Variants in SYTL3 observed in about 807,000 individuals in gnomAD.
SYTL3 encodes synaptotagmin like 3.
A neutral mutation model predicts 82.1 loss-of-function variants in SYTL3; 88 were observed. The observed-to-expected ratio is 1.07, with a 90% CI of 0.90 to 1.28. The LOEUF is 1.28. Ranked by LOEUF, SYTL3 falls within the 50% of genes most tolerant of loss-of-function variation. The pLI, the probability that SYTL3 is intolerant of heterozygous loss-of-function variation, is 0.00. For synonymous variants in SYTL3, 311 were observed against 289.4 expected (o/e 1.07, Z -0.76); for missense variants, 831 against 757.6 (o/e 1.10, Z -1.14).
At chr6:158,654,211 C>T (rs1392836651) in intron 2 of SYTL3, among the ~76,000 whole-genome samples, 2 of 152,164 alleles carry the variant, frequency 1.3e-5, no homozygotes, top group Non-Finnish European at 2.9e-5. Context: ...GCCTTCTGAT[C>T]CTTGGGTTTT....
chr6:158,703,822 CATTATTATTATTATT>C (rs71761794), intron 6 of SYTL3, among the ~76,000 whole-genome samples: 1 of 129,514 alleles, frequency 7.7e-6, no homozygotes. Context: ...ATATTATTAT[CATTATTATTATTATT>C]ATTATTATTA....
intron 11 of SYTL3, among the ~76,000 whole-genome samples, chr6:158,728,601 T>C (rs1785016835): frequency 6.6e-6 from 1 of 152,256 alleles, no homozygotes; most frequent in Non-Finnish European, 1.5e-5. Flanking sequence ...GTATTCTCTG[T>C]GTATAGGTAG....
chr6:158,757,494 G>C (rs888267060), intron 14 of SYTL3, 113 bp downstream of exon 14: 9 of 1,178,814 alleles, frequency 7.6e-6, no homozygotes, highest in African/African-American at 1.5e-5. Context: ...ACCCAAGACT[G>C]TGTGTTCGCC....
intron 11 of SYTL3, among the ~76,000 whole-genome samples, chr6:158,735,141 A>C (rs1474978646): frequency 6.6e-6 from 1 of 152,128 alleles, no homozygotes; most frequent in Admixed American, 6.5e-5. Flanking sequence ...CCACACGTAG[A>C]AGCAGGGAAC....
At position 158,738,067 on chromosome 6, in the gene SYTL3, C is replaced by T. The variant is rs370555016; in HGVS notation, c.856-7413C>T. ...CAACCTGGACAAGCGCAGCTGTGCC[C>T]TTTCTTTCTACCTGCACACCAACAG... On this transcript the variant is annotated intron_variant, in intron 11 of 17. Transcript: ENST00000611299. Among the ~76,000 whole-genome samples, 31 of 152,296 alleles carry T rather than the reference C, an allele frequency of 2.0e-4. 1 individual carries two copies. The highest frequency in any genetic ancestry group is 1.5e-3 in the East Asian group (8 of 5,184).
intron 2 of SYTL3, among the ~76,000 whole-genome samples, chr6:158,657,425 CAAAAAAAAAAA>C (rs535361947): frequency 2.5e-5 from 2 of 80,142 alleles, no homozygotes; most frequent in African/African-American, 5.1e-5. Context: ...GACTCTGGCT[CAAAAAAAAAAA>C]AAAAAAAAAA....
At chr6:158,758,303 TGG>T (rs1789417424) in intron 14 of SYTL3, among the ~76,000 whole-genome samples, 1 of 151,966 alleles carries the variant, frequency 6.6e-6, no homozygotes, top group African/African-American at 2.4e-5. Context: ...CTGGGTGTGG[TGG>T]TGCACGCCTG....
chr6:158,679,715 G>A (rs1473178768), intron 5 of SYTL3, among the ~76,000 whole-genome samples: 7 of 152,138 alleles, frequency 4.6e-5, no homozygotes, highest in Non-Finnish European at 2.9e-5. Context: ...TAGATGATTC[G>A]CGCTGGGTGA....
intron 12 of SYTL3, 59 bp from the exon 13 acceptor site, chr6:158,751,869 C>G: frequency 7.6e-7 from 1 of 1,319,250 alleles, no homozygotes; most frequent in Non-Finnish European, 1.0e-6. Flanking sequence ...TGCCCCCAAA[C>G]TCTTTATCCA....
intron 5 of SYTL3, among the ~76,000 whole-genome samples, chr6:158,679,483 G>A (rs895927843): frequency 6.6e-6 from 1 of 152,084 alleles, no homozygotes; most frequent in Non-Finnish European, 1.5e-5. Context: ...ATGGACACCC[G>A]GGCCAAACCT....
intron 8 of SYTL3, among the ~76,000 whole-genome samples, chr6:158,709,313 C>G (rs534457032): frequency 2.1e-4 from 32 of 152,308 alleles, no homozygotes; most frequent in Non-Finnish European, 3.8e-4. Flanking sequence ...GCTCCGAACA[C>G]TTGCGTTAGC....
At chr6:158,704,376 G>A (rs1303692487) in intron 6 of SYTL3, among the ~76,000 whole-genome samples, 1 of 152,240 alleles carries the variant, frequency 6.6e-6, no homozygotes, top group Non-Finnish European at 1.5e-5. Flanking sequence ...AGCCGGCAGG[G>A]GGCAGCAGAA....
intron 6 of SYTL3, among the ~76,000 whole-genome samples, chr6:158,703,211 A>C (rs998868832): frequency 3.3e-5 from 5 of 150,750 alleles, no homozygotes; most frequent in Admixed American, 2.6e-4. Context: ...CCCGAGCAGC[A>C]AATGTGTGCA....
intron 11 of SYTL3, among the ~76,000 whole-genome samples, chr6:158,742,350 A>T (rs922469955): frequency 3.9e-5 from 6 of 152,162 alleles, no homozygotes; most frequent in African/African-American, 1.4e-4. Flanking sequence ...TAACACACAG[A>T]GTGGAGGCAA....
intron 6 of SYTL3, among the ~76,000 whole-genome samples, chr6:158,705,086 T>G (rs1321012214): frequency 1.7e-5 from 1 of 57,684 alleles, no homozygotes; most frequent in East Asian, 3.4e-4. Context: ...GTGAGGGCTA[T>G]AAGGCCACAT....
At position 158,718,167 on chromosome 6, in the gene SYTL3, G is replaced by C. The variant is rs1279628067; in HGVS notation, c.676G>C (p.Glu226Gln). ...TGPRQCVGQT[E>Q]RRSQSDTAVN... is the part of the protein sequence containing the mutation. The stretch of plus-strand genomic sequence containing the variant: ...CCCCAGGCAGTGTGTGGGACAGACA[G>C]AGAGACGGAGCCAGTCTGACACTGC... Residue 226 changes from glutamate (E) to glutamine (Q), a missense_variant, in exon 10 of 18, where the codon GAG becomes CAG. Coordinates refer to ENST00000611299, the MANE Select transcript of SYTL3 (RefSeq NM_001242394.2). The C allele has an allele frequency of 6.5e-7, 1 of 1,545,768 alleles. No individual in the cohort carries two copies. Among genetic ancestry groups the C allele is most frequent in the African/African-American group, 1.4e-5 (1 of 72,826 alleles).
intron 11 of SYTL3, among the ~76,000 whole-genome samples, chr6:158,735,022 C>A (rs80268593): frequency 6.6e-6 from 1 of 152,078 alleles, no homozygotes. Flanking sequence ...GGAGTCCATA[C>A]CGGGGAGTCC....
intron 6 of SYTL3, among the ~76,000 whole-genome samples, chr6:158,703,829 A>ATTATTATTC (rs1193540565): frequency 6.8e-6 from 1 of 147,452 alleles, no homozygotes; most frequent in Non-Finnish European, 1.5e-5. Context: ...TATCATTATT[A>ATTATTATTC]TTATTATTAT....
At chr6:158,725,958 G>A (rs1350475165) in intron 11 of SYTL3, 8 of 670,878 alleles carry the variant, frequency 1.2e-5, no homozygotes, top group Middle Eastern at 2.5e-4. Context: ...GGAGGGCGCC[G>A]GTCAGCTTCT....
Sources: allele counts gnomAD v4.1 joint callset (sites outside exome capture counted in the v4.1 genomes callset), GRCh38; gene constraint gnomAD v4.1.1; transcripts MANE v1.5; gene names NCBI Gene and HGNC (gene_info 2026-07-23, HGNC 2026-07-21).